Variants in RAP1GAP2 observed in about 807,000 individuals in gnomAD.
The protein encoded by RAP1GAP2 is rap1 GTPase-activating protein 2.
A neutral mutation model predicts 95.0 loss-of-function variants in RAP1GAP2; 27 were observed. That is an observed-to-expected ratio of 0.28 (90% confidence interval 0.21 to 0.39). RAP1GAP2 has a LOEUF of 0.39. RAP1GAP2 is among the 10% of genes least tolerant of loss of function. The pLI, the probability that RAP1GAP2 is intolerant of heterozygous loss-of-function variation, is 1.00. For missense variants in RAP1GAP2, 771 were observed against 970.0 expected, an observed-to-expected ratio of 0.79 and a Z score of 2.72; for synonymous variants, 373 against 380.9, an observed-to-expected ratio of 0.98 and a Z score of 0.24.
chr17:2,843,290 C>CTTTT (rs753692076), intron 2 of RAP1GAP2, among the ~76,000 whole-genome samples: 1 of 141,190 alleles, frequency 7.1e-6, no homozygotes, highest in Non-Finnish European at 1.6e-5. Flanking sequence ...GTTAATTTCC[C>CTTTT]TTTTTTTTTT....
At chr17:2,776,169 ACT>A (rs150082833), upstream of RAP1GAP2, among the ~76,000 whole-genome samples, 19,553 of 151,974 alleles carry the variant, frequency 0.13, 1,561 homozygotes, top group South Asian at 0.35. Flanking sequence ...ACAGAGCAAG[ACT>A]CTGTCTCATA....
At chr17:2,962,805 C>T (rs1317050823) in intron 5 of RAP1GAP2, 91 bp downstream of exon 5, 1 of 1,237,964 alleles carries the variant, frequency 8.1e-7, no homozygotes, top group African/African-American at 1.8e-5. Flanking sequence ...ATGCTGGGGT[C>T]TTCTGTCTCA....
Position 3,008,122 on chromosome 17 carries a change from G to A in RAP1GAP2, c.1471G>A (p.Gly491Arg), listed in dbSNP as rs2046391929. The A allele has an allele frequency of 6.2e-7, 1 of 1,613,962 alleles. No homozygotes were observed. Among genetic ancestry groups the A allele is most frequent in the Non-Finnish European group, 8.5e-7 (1 of 1,179,852 alleles). ...EEDKFENGGH[G>R]GFLESFKRAI... Reference sequence around the variant, plus strand: ...GGACAAGTTTGAGAATGGAGGCCACGGGGGGTTCCTGGAGTCTTTTAAGGT... The same window carrying A: ...GGACAAGTTTGAGAATGGAGGCCACAGGGGGTTCCTGGAGTCTTTTAAGGT... The change falls in exon 17 of 25, where the codon GGG (glycine) becomes AGG (arginine). Residue 491 changes from glycine (G) to arginine (R), a missense_variant. Coordinates refer to ENST00000254695, the MANE Select transcript of RAP1GAP2 (RefSeq NM_015085.5). This position sits in a 1 kb window ranked among gnomAD's most constrained non-coding sequence, Gnocchi z 4.2.
At chr17:2,826,544 G>A (rs986562823) in intron 2 of RAP1GAP2, among the ~76,000 whole-genome samples, 4 of 152,002 alleles carry the variant, frequency 2.6e-5, no homozygotes, top group African/African-American at 9.7e-5. Context: ...TTGGGAAGGC[G>A]GCCTTGGGAG....
chr17:3,010,272 G>A (rs953582657), intron 17 of RAP1GAP2, among the ~76,000 whole-genome samples: 3 of 150,352 alleles, frequency 2.0e-5, no homozygotes, highest in Non-Finnish European at 3.0e-5. Context: ...CCCGGGAGGC[G>A]GAGGTTGCAG....
chr17:3,017,917 GT>G, intron 17 of RAP1GAP2, 143 bp from the exon 18 acceptor site: 2 of 225,276 alleles, frequency 8.9e-6, no homozygotes, highest in Non-Finnish European at 1.3e-5. Context: ...CTCTGTGACC[GT>G]GTGTGTGTGT....
Position 3,005,508 on chromosome 17 carries a change from G to A in RAP1GAP2, c.1272+68G>A. 1 of 1,528,110 alleles carries A rather than the reference G, an allele frequency of 6.5e-7. No homozygotes were observed. The allele number at this position is 1,528,110 out of a possible 1,614,324, so 94.7% of individuals were successfully genotyped here. A position where few individuals can be genotyped will look rare whatever the true frequency, so the allele number is the denominator to read the frequency against. On this transcript the variant is annotated intron_variant, in intron 15 of 24. Coordinates refer to ENST00000254695, the MANE Select transcript of RAP1GAP2 (RefSeq NM_015085.5). The surrounding 1 kb of genome is among the most constrained non-coding windows in gnomAD (Gnocchi z 5.2). ...AGGTCTCAGTGCTTGAGTAGCAATG[G>A]TTGGGATGGAGCCAAATTCAGGCTG...
intron 2 of RAP1GAP2, among the ~76,000 whole-genome samples, chr17:2,850,723 C>T (rs2071807222): frequency 7.3e-6 from 1 of 136,802 alleles, no homozygotes; most frequent in African/African-American, 2.8e-5. Flanking sequence ...GCACTCCAGC[C>T]TGAGGGATGG....
rs533074489 is a variant in RAP1GAP2, at chr17:2,947,566, CTAGGCA to C, written c.166-10192_166-10187del. Among the ~76,000 whole-genome samples the C allele has an allele frequency of 1.8e-4, 27 of 152,292 alleles. No individual in the cohort carries two copies. In the South Asian group the frequency reaches 4.8e-3, roughly 27 times the overall value. On this transcript the variant is annotated intron_variant, in intron 3 of 24. Coordinates refer to ENST00000254695, the MANE Select transcript of RAP1GAP2 (RefSeq NM_015085.5). ...ATGTTTATTGAGCATCTACTGTGTGCTAGGCAGTTCTATTAATAGCACAGGGATATG... is the reference window on the plus strand; with the variant it reads ...ATGTTTATTGAGCATCTACTGTGTGCGTTCTATTAATAGCACAGGGATATG...
chr17:2,890,148 T>G (rs570836434), intron 2 of RAP1GAP2, among the ~76,000 whole-genome samples: 1 of 151,818 alleles, frequency 6.6e-6, no homozygotes, highest in Non-Finnish European at 1.5e-5. Context: ...TTCTGGACAC[T>G]CGTCTTCCAG....
At chr17:3,025,502 G>A (rs918229933) in intron 19 of RAP1GAP2, among the ~76,000 whole-genome samples, 60 of 152,216 alleles carry the variant, frequency 3.9e-4, no homozygotes, top group Non-Finnish European at 7.3e-5. Context: ...AGTACCCCTT[G>A]CTTCCCAGCT....
intron 23 of RAP1GAP2, among the ~76,000 whole-genome samples, chr17:3,031,957 A>G (rs1404070884): frequency 5.2e-4 from 56 of 107,744 alleles, no homozygotes; most frequent in Middle Eastern, 8.5e-3. Context: ...TGTGAGGTGG[A>G]AGGTGCTGGT....
At chr17:2,876,965 C>T (rs1045339483) in intron 2 of RAP1GAP2, among the ~76,000 whole-genome samples, 3 of 150,898 alleles carry the variant, frequency 2.0e-5, no homozygotes, top group Non-Finnish European at 3.0e-5. Flanking sequence ...CTTGGCTCAC[C>T]GCAACCTCCA....
At chr17:2,765,845 T>A (rs906045897) in intron 1 of RAP1GAP2, among the ~76,000 whole-genome samples, 10 of 152,100 alleles carry the variant, frequency 6.6e-5, no homozygotes, top group Non-Finnish European at 1.5e-4. Flanking sequence ...GCTGCGCCCC[T>A]GTAATCCCAG....
upstream of RAP1GAP2, chr17:2,755,668 G>T (rs1253355072): frequency 1.1e-5 from 3 of 277,642 alleles, no homozygotes; most frequent in African/African-American, 2.2e-5. Context: ...CGGCAGCCGA[G>T]CCTCCTCCAC....
chr17:2,761,969 G>A (rs1228614735), intron 1 of RAP1GAP2, among the ~76,000 whole-genome samples: 1 of 131,620 alleles, frequency 7.6e-6, no homozygotes, highest in Admixed American at 7.9e-5. Context: ...GTTATTGTCC[G>A]TTTATATATC....
chr17:2,865,306 C>T (rs1440275030), intron 2 of RAP1GAP2, among the ~76,000 whole-genome samples: 1 of 152,136 alleles, frequency 6.6e-6, no homozygotes, highest in Non-Finnish European at 1.5e-5. Flanking sequence ...CTAGAACATT[C>T]TGGTTGTTTT....
chr17:2,948,770 C>CA (rs2043804809), intron 3 of RAP1GAP2, among the ~76,000 whole-genome samples: 1 of 151,080 alleles, frequency 6.6e-6, no homozygotes. Flanking sequence ...GAAGCTGTGC[C>CA]TGTGTGTAGA....
intron 2 of RAP1GAP2, among the ~76,000 whole-genome samples, chr17:2,803,637 C>T (rs1413739049): frequency 1.3e-5 from 2 of 152,206 alleles, no homozygotes; most frequent in Non-Finnish European, 2.9e-5. Flanking sequence ...CCAGCACTTT[C>T]GGAGGTCGAG....
Sources: allele counts gnomAD v4.1 joint callset (sites outside exome capture counted in the v4.1 genomes callset), GRCh38; gene constraint gnomAD v4.1.1; non-coding constraint Gnocchi (gnomAD v3.1); transcripts MANE v1.5; gene names NCBI Gene and HGNC (gene_info 2026-07-23, HGNC 2026-07-21).